The following HORMAD1 variants were observed in gnomAD, a reference collection of about 807,000 sequenced individuals.
HORMAD1 encodes the protein HORMA domain containing 1.
Under a neutral mutation model 58.2 loss-of-function variants are expected in HORMAD1, and 33 were observed. That is an observed-to-expected ratio of 0.57 (90% CI 0.43 to 0.76). The LOEUF is 0.76. Ranked by LOEUF, HORMAD1 falls within the 30% of genes least tolerant of loss-of-function variation. The probability of loss-of-function intolerance (pLI) is 0.00; values close to 1 mark genes in which losing one functional copy is unlikely to be tolerated. For synonymous variants in HORMAD1, 137 were observed against 144.6 expected, an observed-to-expected ratio of 0.95 and a Z score of 0.38; for missense variants, 363 against 462.0, an observed-to-expected ratio of 0.79 and a Z score of 1.96.
rs374137900 is a variant in HORMAD1 at position 150,713,282 on chromosome 1, A to G, written c.279+803T>C. On this transcript the variant is annotated intron_variant, in intron 5 of 14. Transcript: ENST00000361824. Reference sequence around the variant, plus strand: ...TGTTTTATTAACTACTTGTTTTCCTACTTTACAAGGGACCTTTTTTGTTTT... The same window carrying G: ...TGTTTTATTAACTACTTGTTTTCCTGCTTTACAAGGGACCTTTTTTGTTTT... Among the ~76,000 whole-genome samples, 9 of 152,132 alleles carry G rather than the reference A, an allele frequency of 5.9e-5. 1 individual carries two copies. The highest frequency in any genetic ancestry group is 2.2e-4 in the African/African-American group (9 of 41,428).
intron 11 of HORMAD1, 24 bp from the exon 12 acceptor site, chr1:150,704,218 T>G: frequency 1.5e-6 from 2 of 1,377,972 alleles, no homozygotes; most frequent in Non-Finnish European, 2.0e-6. Flanking sequence ...AAAAAAAAGT[T>G]ACCCGGGTAT....
intron 13 of HORMAD1, 74 bp from the exon 14 acceptor site, chr1:150,700,257 G>A (rs1173253386): frequency 6.4e-6 from 5 of 777,428 alleles, no homozygotes; most frequent in Non-Finnish European, 1.1e-5. Flanking sequence ...TCAATCTTAT[G>A]CAACGATATG....
intron 2 of HORMAD1, among the ~76,000 whole-genome samples, chr1:150,718,474 C>A (rs1238769636): frequency 6.6e-6 from 1 of 151,824 alleles, no homozygotes; most frequent in Non-Finnish European, 1.5e-5. Flanking sequence ...CTTAAGAATC[C>A]CCTTGCAGAT....
intron 13 of HORMAD1, chr1:150,701,939 T>C (rs1323153402): frequency 4.6e-5 from 7 of 152,160 alleles, no homozygotes. Flanking sequence ...TGCACAAGGA[T>C]GACATGCAAA....
chr1:150,709,614 C>G (rs1044390081), intron 7 of HORMAD1, among the ~76,000 whole-genome samples: 10 of 151,750 alleles, frequency 6.6e-5, no homozygotes, highest in African/African-American at 2.4e-4. Flanking sequence ...AAGACCTGAC[C>G]GTCCCCCAGC....
chr1:150,704,222 C>G, intron 11 of HORMAD1, 28 bp from the exon 12 acceptor site: 3 of 1,490,128 alleles, frequency 2.0e-6, no homozygotes, highest in Non-Finnish European at 2.8e-6. Context: ...AAAAGTTACC[C>G]GGGTATAAAA....
At chr1:150,704,769 G>T (rs757373464) in intron 10 of HORMAD1, among the ~76,000 whole-genome samples, 1 of 152,084 alleles carries the variant, frequency 6.6e-6, no homozygotes. Flanking sequence ...CAAGCCAGGC[G>T]CAATGGCTTA....
chr1:150,713,236 A>G (rs766658081), intron 5 of HORMAD1, among the ~76,000 whole-genome samples: 1 of 152,198 alleles, frequency 6.6e-6, no homozygotes, highest in Non-Finnish European at 1.5e-5. Flanking sequence ...GCAATTTAAC[A>G]TTATTGAAAA....
Position 150,706,610 on chromosome 1 carries a change from T to C in HORMAD1, c.747A>G (p.Pro249=). Residue 249 remains proline (P), a synonymous_variant, in exon 10 of 15, where the codon CCA becomes CCG. Transcript: ENST00000361824. ...CTTTGTCCCTCAGGATTTTTTGAAA[T>C]GGTGTTTTTATTTGTTTTGGTGATA... ...TILSPKQIKT[P]FQKILRDKDV... 6.2e-7 allele frequency: 1 copy of C among 1,612,936 alleles called. No homozygotes were observed.
chr1:150,704,109 A>G lies in HORMAD1; in HGVS notation c.948+9T>C, dbSNP rs768097660. 8.4e-6 allele frequency: 13 copies of G among 1,553,008 alleles called. No individual in the cohort carries two copies. Among genetic ancestry groups the G allele is most frequent in the Non-Finnish European group, 1.1e-5 (13 of 1,148,168 alleles). ...AAACAAAAGTGAGATGAAACTATCA[A>G]GTTTATACCTGAGAATGAGAAATAG... is the stretch of plus-strand genomic sequence containing the variant. On this transcript the variant is annotated intron_variant, in intron 12 of 14. Coordinates refer to ENST00000361824, the MANE Select transcript of HORMAD1 (RefSeq NM_032132.5).
At chr1:150,715,012 T>G (rs1212944233) in intron 3 of HORMAD1, among the ~76,000 whole-genome samples, 2 of 152,096 alleles carry the variant, frequency 1.3e-5, no homozygotes, top group Non-Finnish European at 2.9e-5. Flanking sequence ...CTCGAACTCC[T>G]GACCTCAGGT....
chr1:150,714,544 G>A (rs1275804559), intron 4 of HORMAD1, 71 bp downstream of exon 4: 1 of 726,676 alleles, frequency 1.4e-6, no homozygotes, highest in Non-Finnish European at 2.2e-6. Flanking sequence ...AACACCAAAG[G>A]TATCCAAGGT....
intron 3 of HORMAD1, among the ~76,000 whole-genome samples, chr1:150,715,721 G>A (rs1248703817): frequency 6.6e-6 from 1 of 151,750 alleles, no homozygotes; most frequent in African/African-American, 2.4e-5. Context: ...GAGCTTCCAC[G>A]CCTGGCCCTG....
At chr1:150,699,941 ATT>A (rs1419260155) in intron 14 of HORMAD1, among the ~76,000 whole-genome samples, 169 bp downstream of exon 14, 1 of 152,168 alleles carries the variant, frequency 6.6e-6, no homozygotes, top group Non-Finnish European at 1.5e-5. Context: ...AGGGCATCTT[ATT>A]TCAAAATCAC....
chr1:150,719,453 C>T lies in HORMAD1; in HGVS notation c.33+20G>A. 1.3e-6 allele frequency: 2 copies of T among 1,505,854 alleles called. No individual in the cohort carries two copies. Among genetic ancestry groups the T allele is most frequent in the South Asian group, 2.4e-5 (2 of 83,870 alleles). The allele number at this position is 1,505,854 out of a possible 1,614,324, so 93.3% of individuals were successfully genotyped here. A position where few individuals can be genotyped will look rare whatever the true frequency, so the allele number is the denominator to read the frequency against. On this transcript the variant is annotated intron_variant, in intron 2 of 14. Transcript: ENST00000361824. ...AAAAGCAGCTATTATTAAGATATACCAAAATACAAGAAATCATACCATGGG... is the reference window on the plus strand; with the variant it reads ...AAAAGCAGCTATTATTAAGATATACTAAAATACAAGAAATCATACCATGGG...
chr1:150,702,982 A>T (rs760412588), intron 13 of HORMAD1, among the ~76,000 whole-genome samples: 19 of 152,176 alleles, frequency 1.2e-4, no homozygotes, highest in Admixed American at 2.6e-4. Flanking sequence ...TCTGGATGAT[A>T]GTATCACTTC....
chr1:150,707,342 G>A (rs587755847), intron 9 of HORMAD1, among the ~76,000 whole-genome samples: 5 of 152,214 alleles, frequency 3.3e-5, no homozygotes, highest in Admixed American at 6.5e-5. Context: ...CTTGGATAAC[G>A]TAATTTATCA....
chr1:150,711,893 A>G (rs775038187), intron 5 of HORMAD1, 40 bp from the exon 6 acceptor site: 1 of 1,378,726 alleles, frequency 7.3e-7, no homozygotes, highest in South Asian at 1.2e-5. Flanking sequence ...CTTGTAGTCT[A>G]TAAAATAATT....
At chr1:150,706,358 G>C (rs1651690804) in intron 10 of HORMAD1, among the ~76,000 whole-genome samples, 195 bp downstream of exon 10, 1 of 152,192 alleles carries the variant, frequency 6.6e-6, no homozygotes. Flanking sequence ...GTGCTTTTAA[G>C]TTCTAGTACA....
Sources: allele counts gnomAD v4.1 joint callset (sites outside exome capture counted in the v4.1 genomes callset), GRCh38; gene constraint gnomAD v4.1.1; transcripts MANE v1.5; gene names NCBI Gene and HGNC (gene_info 2026-07-23, HGNC 2026-07-21).